The following RFPL2 variants were observed in gnomAD, a reference collection of about 807,000 sequenced individuals.
RFPL2 encodes the protein ret finger protein-like 2.
In RFPL2, 13 loss-of-function variants were observed where a neutral mutation model predicts 17.8. That is an observed-to-expected ratio of 0.73 (90% CI 0.47 to 1.16). RFPL2 has a LOEUF of 1.16. RFPL2 is among the 50% of genes most tolerant of loss of function. RFPL2 has a pLI of 0.00. For missense variants in RFPL2, 431 were observed against 479.3 expected, an observed-to-expected ratio of 0.90 and a Z score of 0.94; for synonymous variants, 189 against 180.9, an observed-to-expected ratio of 1.04 and a Z score of -0.36.
In RFPL2 at chr22:32,191,247, G is replaced by T. The variant is rs1383423905; in HGVS notation, c.662C>A (p.Ala221Asp). The T allele has an allele frequency of 2.5e-6, 4 of 1,613,850 alleles. No homozygotes were observed. In the African/African-American group the frequency reaches 5.3e-5, roughly 22 times the overall value. ...GRIRQNRQDL[A>D]ERFDVSVCIL... The stretch of plus-strand genomic sequence containing the variant: ...GCAAACGGACACGTCAAATCTCTCG[G>T]CAAGGTCTTGCCGATTCTGTCTGAT... The change falls in exon 5 of 5, where the codon GCC becomes GAC. Residue 221 changes from alanine (A) to aspartate (D), a missense_variant. By Grantham distance (126) the Ala-to-Asp change is moderately radical. Coordinates refer to ENST00000652607, the MANE Select transcript of RFPL2 (RefSeq NM_001394555.1).
chr22:32,202,661 C>A, intron 1 of RFPL2, 111 bp from the exon 2 acceptor site: 1 of 1,382,170 alleles, frequency 7.2e-7, no homozygotes. Context: ...CAAAGTCCAG[C>A]CTCTCCTTTT....
At position 32,202,362 on chromosome 22, in the gene RFPL2, A is replaced by G. The variant is rs774573186; in HGVS notation, c.90T>C (p.Phe30=). The G allele has an allele frequency of 7.5e-6, 12 of 1,604,584 alleles. No individual in the cohort carries two copies. Among genetic ancestry groups the G allele is most frequent in the Non-Finnish European group, 1.0e-5 (12 of 1,175,672 alleles). The change falls in exon 2 of 5, where the codon TTT becomes TTC. Residue 30 remains phenylalanine (F), a synonymous_variant. Coordinates refer to ENST00000652607, the MANE Select transcript of RFPL2 (RefSeq NM_001394555.1). The part of the protein sequence containing the change: ...LCAVLCGHWD[F]ADMMVIRSLS... ...GGCTCCTTATCACCATCATGTCTGC[A>G]AAGTCCCAGTGGCCACACAATACAG...
intron 2 of RFPL2, among the ~76,000 whole-genome samples, chr22:32,200,914 T>C (rs1009474456): frequency 3.3e-5 from 5 of 151,662 alleles, no homozygotes; most frequent in South Asian, 2.1e-4. Flanking sequence ...GCGTAAAAAA[T>C]TGGGAGGAAG....
intron 1 of RFPL2, chr22:32,202,982 C>T: frequency 3.0e-6 from 3 of 985,854 alleles, no homozygotes; most frequent in Non-Finnish European, 3.6e-6. Flanking sequence ...GGGCCCCTGC[C>T]GCGCTCAGGA....
intron 2 of RFPL2, among the ~76,000 whole-genome samples, chr22:32,195,906 A>T (rs950363699): frequency 1.3e-5 from 2 of 151,716 alleles, no homozygotes; most frequent in Non-Finnish European, 2.9e-5. Context: ...TCAATTACCG[A>T]CCTCTCCCCA....
chr22:32,190,760 TGGAGTGAGGG>T lies in RFPL2; in HGVS notation c.*2_*11del. On this transcript the variant is annotated 3_prime_UTR_variant, in exon 5 of 5. Transcript: ENST00000652607. ...TTTCTTACCCTGTTTTTTGTTTTTTTGGAGTGAGGGCTTATTTGGCCTCCCCAGGACGGAC... is the reference window on the plus strand; with the variant it reads ...TTTCTTACCCTGTTTTTTGTTTTTTTCTTATTTGGCCTCCCCAGGACGGAC... 1 of 1,501,938 alleles carries T rather than the reference TGGAGTGAGGG, an allele frequency of 6.7e-7. No homozygotes were observed. Among genetic ancestry groups the T allele is most frequent in the South Asian group, 1.4e-5 (1 of 70,672 alleles). 93.0% of individuals were successfully genotyped at this position (1,501,938 alleles called of 1,614,324 possible).
rs1445120114 is a variant in RFPL2, at chr22:32,191,163, G to A, written c.746C>T (p.Thr249Ile). The A allele has an allele frequency of 6.2e-7, 1 of 1,613,828 alleles. No homozygotes were observed. Among genetic ancestry groups the A allele is most frequent in the African/African-American group, 1.3e-5 (1 of 74,902 alleles). The change falls in exon 5 of 5, where the codon ACA (threonine) becomes ATA (isoleucine). Residue 249 changes from threonine to isoleucine, a missense_variant. Thr to Ile is a moderately conservative substitution (Grantham distance 89, BLOSUM62 -1). Coordinates refer to ENST00000652607, the MANE Select transcript of RFPL2 (RefSeq NM_001394555.1). ...GACTCCCAGGTCCCATTCTGTGCTT[G>A]TTCCCACGTCCACCTCCCAGCAGTG... ...GRHCWEVDVGTSTEWDLGVCR... is the reference protein window; with the variant it reads ...GRHCWEVDVGISTEWDLGVCR...
At chr22:32,203,349 G>A (rs1924159253) in intron 1 of RFPL2, 1 of 150,116 alleles carries the variant, frequency 6.7e-6, no homozygotes. Context: ...GCCTGGAGTA[G>A]GTCACCCAAC....
In RFPL2 at chr22:32,190,760, TGGAG is replaced by T. The variant is rs1603197680; in HGVS notation, c.*8_*11del. ...TTTCTTACCCTGTTTTTTGTTTTTT[TGGAG>T]TGAGGGCTTATTTGGCCTCCCCAGG... On this transcript the variant is annotated 3_prime_UTR_variant, in exon 5 of 5. Coordinates refer to ENST00000652607, the MANE Select transcript of RFPL2 (RefSeq NM_001394555.1). 2 of 1,501,934 alleles carry T rather than the reference TGGAG, an allele frequency of 1.3e-6. No homozygotes were observed. Among genetic ancestry groups the T allele is most frequent in the Non-Finnish European group, 1.8e-6 (2 of 1,126,272 alleles). 93.0% of individuals were successfully genotyped at this position (1,501,934 alleles called of 1,614,324 possible). A position where few individuals can be genotyped will look rare whatever the true frequency, so the allele number is the denominator to read the frequency against.
chr22:32,193,116 C>A lies in RFPL2; in HGVS notation c.342G>T (p.Leu114=). 6.2e-7 allele frequency: 1 copy of A among 1,613,960 alleles called. No homozygotes were observed. The highest frequency in any genetic ancestry group is 8.5e-7 in the Non-Finnish European group (1 of 1,179,860). The change falls in exon 4 of 5, where the codon CTG becomes CTT. Residue 114 remains leucine, a synonymous_variant. Coordinates refer to ENST00000652607, the MANE Select transcript of RFPL2 (RefSeq NM_001394555.1). ...CSDYLEKPMS[L]ECGCAVCLKC... ...TGAGGCAGACGGCGCATCCACACTCCAGGGACATTGGTTTTTCCAGATAGT... is the reference window on the plus strand; with the variant it reads ...TGAGGCAGACGGCGCATCCACACTCAAGGGACATTGGTTTTTCCAGATAGT...
rs1482261412 is a variant in RFPL2, at chr22:32,202,723, A to G, written c.-99-173T>C. 4.1e-6 allele frequency: 5 copies of G among 1,215,848 alleles called. No individual in the cohort carries two copies. The African/African-American group carries it at 7.7e-5, about 19-fold the overall frequency. The allele number at this position is 1,215,848 out of a possible 1,614,324, so 75.3% of individuals were successfully genotyped here. ...CTGGAGTGGGGACTGCAGACACCAC[A>G]GTGCCCGGGCTTCCCACTCCACAGG... On this transcript the variant is annotated intron_variant, in intron 1 of 4. Coordinates refer to ENST00000652607, the MANE Select transcript of RFPL2 (RefSeq NM_001394555.1).
At chr22:32,204,468 G>A (rs747160115) in intron 1 of RFPL2, among the ~76,000 whole-genome samples, 1 of 152,058 alleles carries the variant, frequency 6.6e-6, no homozygotes, top group African/African-American at 2.4e-5. Context: ...CCACGATGGC[G>A]CCCTCAATCC....
intron 2 of RFPL2, among the ~76,000 whole-genome samples, chr22:32,199,560 C>A (rs545990166): frequency 4.6e-5 from 7 of 152,252 alleles, no homozygotes; most frequent in Non-Finnish European, 1.0e-4. Context: ...AGAAAAGTTC[C>A]CAGACTGAAT....
chr22:32,194,740 A>G (rs2413075), intron 2 of RFPL2, among the ~76,000 whole-genome samples: 1 of 152,232 alleles, frequency 6.6e-6, no homozygotes, highest in East Asian at 1.9e-4. Flanking sequence ...TTGGAATCCT[A>G]AAGTATTAAG....
intron 2 of RFPL2, among the ~76,000 whole-genome samples, chr22:32,198,050 T>C (rs770203640): frequency 6.6e-6 from 1 of 152,086 alleles, no homozygotes; most frequent in Non-Finnish European, 1.5e-5. Flanking sequence ...CCTGGAGTTG[T>C]GGTTGTGGTC....
intron 1 of RFPL2, chr22:32,203,162 C>T: frequency 1.1e-6 from 1 of 889,626 alleles, no homozygotes; most frequent in Non-Finnish European, 1.3e-6. Context: ...ACATGCAGCA[C>T]CCAATGGCGC....
chr22:32,200,833 A>G (rs1347484568), intron 2 of RFPL2, among the ~76,000 whole-genome samples: 2 of 152,072 alleles, frequency 1.3e-5, no homozygotes, highest in Non-Finnish European at 2.9e-5. Context: ...AGGACACTGC[A>G]GCACCATCAA....
At chr22:32,193,266 C>T in intron 3 of RFPL2, 74 bp from the exon 4 acceptor site, 1 of 1,612,684 alleles carries the variant, frequency 6.2e-7, no homozygotes, top group South Asian at 1.1e-5. Flanking sequence ...CAAGTGACAA[C>T]CTTTTCATGC....
Position 32,192,953 on chromosome 22 carries a change from G to T in RFPL2, c.505C>A (p.Pro169Thr). ...RLASHIKELE[P>T]KLKKILQMNP... ...ATCTGCAGAATCTTCTTCAGCTTGG[G>T]CTCCAGTTCCTTGATGTGGGAAGCC... Residue 169 changes from proline to threonine, a missense_variant, in exon 4 of 5, where the codon CCC becomes ACC. Pro to Thr is a conservative substitution (Grantham distance 38, BLOSUM62 -1). Transcript: ENST00000652607. The T allele has an allele frequency of 6.2e-7, 1 of 1,614,132 alleles. No individual in the cohort carries two copies. Among genetic ancestry groups the T allele is most frequent in the Admixed American group, 1.7e-5 (1 of 60,014 alleles).
Sources: gnomAD v4.1 joint callset for allele counts (sites outside exome capture counted in the v4.1 genomes callset) on GRCh38, gnomAD v4.1.1 for gene constraint, MANE v1.5 for transcripts, NCBI Gene and HGNC (gene_info 2026-07-23, HGNC 2026-07-21) for gene names.